WRN: variants seen among roughly 807,000 people sequenced by gnomAD.
WRN encodes the protein WRN RecQ like helicase.
Under a neutral mutation model 180.7 loss-of-function variants are expected in WRN, and 149 were observed. The observed-to-expected ratio is 0.82, with a 90% CI of 0.72 to 0.94. The LOEUF is 0.94. Among genes scored for constraint, WRN ranks in the 40% least tolerant of loss-of-function variants. WRN has a pLI of 0.00. For missense variants in WRN, 1,661 were observed against 1,700.1 expected (o/e 0.98, Z 0.40); for synonymous variants, 548 against 568.9 (o/e 0.96, Z 0.52).
intron 24 of WRN, among the ~76,000 whole-genome samples, chr8:31,133,012 T>C (rs563214622): frequency 5.9e-5 from 9 of 152,358 alleles, no homozygotes; most frequent in South Asian, 2.1e-4. Flanking sequence ...AAGAAAATTG[T>C]GGTTTTTGCC....
At chr8:31,066,920 G>C (rs562689409) in intron 5 of WRN, 113 bp from the exon 6 acceptor site, 1 of 1,312,308 alleles carries the variant, frequency 7.6e-7, no homozygotes, top group South Asian at 1.2e-5. Flanking sequence ...TCTGTGGGTT[G>C]TATTTTGGTA....
chr8:31,145,215 A>G (rs1472125314), intron 28 of WRN, among the ~76,000 whole-genome samples: 1 of 152,252 alleles, frequency 6.6e-6, no homozygotes, highest in Admixed American at 6.5e-5. Context: ...GAAGCTGTCT[A>G]GTACTTTCAT....
chr8:31,148,126 A>G (rs11574361), intron 30 of WRN, among the ~76,000 whole-genome samples: 53,492 of 151,984 alleles, frequency 0.35, 9,653 homozygotes, highest in South Asian at 0.42. Context: ...AGCTCAAGCA[A>G]TCTTCCCGCC....
chr8:31,066,982 T>TG, intron 5 of WRN, 51 bp from the exon 6 acceptor site: 1 of 1,603,498 alleles, frequency 6.2e-7, no homozygotes, highest in East Asian at 2.2e-5. Flanking sequence ...CATTTGGTAA[T>TG]ACCTGAAAAC....
rs1813593040 is a variant in WRN, at chr8:31,087,843, A to C, written c.1499A>C (p.Asn500Thr). ...THSKCLKMER[N>T]LGLPTKEEEE... ...TCTAAATGCTTAAAAATGGAAAGAAATCTGGGTCTTCCTACTAAAGAAGAA... is the reference window on the plus strand; with the variant it reads ...TCTAAATGCTTAAAAATGGAAAGAACTCTGGGTCTTCCTACTAAAGAAGAA... The change falls in exon 12 of 35, where the codon AAT becomes ACT. Residue 500 changes from asparagine to threonine, a missense_variant. Asn to Thr is a moderately conservative substitution (Grantham distance 65, BLOSUM62 0). This residue lies in a region of WRN where 1,141 missense variants were observed against 1,149.4 expected (regional missense o/e 0.99). Coordinates refer to ENST00000298139, the MANE Select transcript of WRN (RefSeq NM_000553.6). 1 of 1,613,718 alleles carries C rather than the reference A, an allele frequency of 6.2e-7. No individual in the cohort carries two copies. The highest frequency in any genetic ancestry group is 1.7e-5 in the Admixed American group (1 of 59,996).
intron 13 of WRN, 36 bp from the exon 14 acceptor site, chr8:31,090,429 A>G: frequency 6.3e-7 from 1 of 1,593,270 alleles, no homozygotes; most frequent in Non-Finnish European, 8.6e-7. Context: ...TTTCTTATTA[A>G]TAAAACAAAA....
chr8:31,136,580 A>G (rs928257853), intron 24 of WRN, among the ~76,000 whole-genome samples: 2 of 152,100 alleles, frequency 1.3e-5, no homozygotes, highest in Non-Finnish European at 2.9e-5. Flanking sequence ...CACACCTGTA[A>G]TTTCAGCACT....
chr8:31,158,079 C>G (rs1406035198), intron 33 of WRN, among the ~76,000 whole-genome samples: 1 of 152,116 alleles, frequency 6.6e-6, no homozygotes. Context: ...TACAACTTCC[C>G]CACCATCCAA....
chr8:31,063,369 T>A (rs1301371020), intron 3 of WRN, among the ~76,000 whole-genome samples: 1 of 152,216 alleles, frequency 6.6e-6, no homozygotes, highest in East Asian at 1.9e-4. Context: ...CATTCTCTTG[T>A]TAATGGAAAT....
chr8:31,060,380 A>T (rs995208091), intron 3 of WRN, among the ~76,000 whole-genome samples: 2 of 152,086 alleles, frequency 1.3e-5, no homozygotes, highest in African/African-American at 4.8e-5. Flanking sequence ...CAGCCATAGT[A>T]AGACCCCCAT....
intron 13 of WRN, among the ~76,000 whole-genome samples, chr8:31,089,647 C>T (rs11574244): frequency 9.5e-4 from 144 of 152,046 alleles, no homozygotes; most frequent in African/African-American, 3.4e-3. Context: ...ACTGGGCACC[C>T]TGTGGCCAGC....
chr8:31,151,581 G>A (rs1585529199), intron 31 of WRN, among the ~76,000 whole-genome samples: 1 of 152,238 alleles, frequency 6.6e-6, no homozygotes, highest in African/African-American at 2.4e-5. Context: ...CCTACCAGCG[G>A]TAATTGAGTA....
intron 19 of WRN, among the ~76,000 whole-genome samples, chr8:31,115,992 C>T (rs1031774743): frequency 1.3e-5 from 2 of 152,160 alleles, no homozygotes; most frequent in African/African-American, 2.4e-5. Flanking sequence ...TTTGTAAACC[C>T]TCACCAGACT....
At chr8:31,067,924 T>C (rs960646476) in intron 6 of WRN, among the ~76,000 whole-genome samples, 4 of 152,188 alleles carry the variant, frequency 2.6e-5, no homozygotes, top group African/African-American at 9.6e-5. Flanking sequence ...ACCGCCAAAC[T>C]TGAGACTAAC....
At chr8:31,049,078 G>C (rs927171703) in intron 1 of WRN, among the ~76,000 whole-genome samples, 4 of 151,570 alleles carry the variant, frequency 2.6e-5, no homozygotes, top group African/African-American at 9.7e-5. Flanking sequence ...GGGCATGGTG[G>C]TGGGTGCCTG....
At chr8:31,092,305 A>G (rs73581724) in intron 16 of WRN, among the ~76,000 whole-genome samples, 2,786 of 152,042 alleles carry the variant, frequency 0.018, 67 homozygotes, top group African/African-American at 0.064. Flanking sequence ...AGGCTCAGAG[A>G]CAAGTAATTT....
Position 31,130,673 on chromosome 8 carries a change from T to C in WRN, c.2826-1692T>C, listed in dbSNP as rs1442621488. On this transcript the variant is annotated intron_variant, in intron 23 of 34. Transcript: ENST00000298139. ...AGTTTATTTAAGCAAGACACTTGAC[T>C]AAGGGAAGACTATCTTGGAGTTATT... Among the ~76,000 whole-genome samples the C allele has an allele frequency of 2.7e-5, 4 of 150,462 alleles. No homozygotes were observed. The East Asian group carries it at 8.0e-4, about 30-fold the overall frequency.
intron 15 of WRN, 99 bp from the exon 16 acceptor site, chr8:31,091,731 A>T (rs1433929621): frequency 8.3e-7 from 1 of 1,211,474 alleles, no homozygotes; most frequent in African/African-American, 1.5e-5. Flanking sequence ...AAGAACAGGA[A>T]TATAAATTAT....
chr8:31,109,701 T>C (rs1801231805), intron 18 of WRN, among the ~76,000 whole-genome samples: 1 of 152,228 alleles, frequency 6.6e-6, no homozygotes, highest in South Asian at 2.1e-4. Flanking sequence ...TCACTTGATA[T>C]TCACAACTTT....
Sources: allele counts gnomAD v4.1 joint callset (sites outside exome capture counted in the v4.1 genomes callset), GRCh38; gene constraint gnomAD v4.1.1; regional missense constraint gnomAD v4.1.1; transcripts MANE v1.5; gene names NCBI Gene and HGNC (gene_info 2026-07-23, HGNC 2026-07-21).